Variants in FARS2 observed in about 807,000 individuals in gnomAD.
FARS2 encodes phenylalanyl-tRNA synthetase 2, mitochondrial, also known as phenylalanine--tRNA ligase, mitochondrial.
In FARS2, 40 loss-of-function variants were observed where a neutral mutation model predicts 46.4. The observed-to-expected ratio is 0.86, with a 90% CI of 0.67 to 1.12. The LOEUF is 1.12. Among genes scored for constraint, FARS2 ranks in the 50% most tolerant of loss-of-function variants. The pLI is 0.00. For synonymous variants in FARS2, 234 were observed against 214.9 expected (o/e 1.09, Z -0.78); for missense variants, 513 against 567.9 (o/e 0.90, Z 0.98).
At chr6:5,644,010 A>C (rs1776952102) in intron 6 of FARS2, among the ~76,000 whole-genome samples, 1 of 151,944 alleles carries the variant, frequency 6.6e-6, no homozygotes, top group Non-Finnish European at 1.5e-5. Context: ...TAAATGTTGG[A>C]TGCAGATGTA....
chr6:5,437,943 C>G (rs774148692), intron 4 of FARS2, among the ~76,000 whole-genome samples: 1 of 152,056 alleles, frequency 6.6e-6, no homozygotes, highest in Admixed American at 6.5e-5. Context: ...TAGACCACGT[C>G]AAGTGGTGAT....
intron 5 of FARS2, among the ~76,000 whole-genome samples, chr6:5,569,944 G>A (rs1772545895): frequency 6.7e-6 from 1 of 148,942 alleles, no homozygotes; most frequent in Non-Finnish European, 1.5e-5. Flanking sequence ...GAAGACGGAT[G>A]TCAGGGTCAG....
intron 6 of FARS2, among the ~76,000 whole-genome samples, chr6:5,761,786 A>G (rs1762486640): frequency 6.6e-6 from 1 of 150,994 alleles, no homozygotes; most frequent in Non-Finnish European, 1.5e-5. Flanking sequence ...AGACCCTGCC[A>G]TAGCATTAAG....
At chr6:5,657,911 C>T (rs1272211762) in intron 6 of FARS2, among the ~76,000 whole-genome samples, 1 of 152,208 alleles carries the variant, frequency 6.6e-6, no homozygotes, top group African/African-American at 2.4e-5. Flanking sequence ...GGTTACTCAA[C>T]TTCAATTTCC....
intron 6 of FARS2, among the ~76,000 whole-genome samples, chr6:5,663,227 A>G (rs1319665756): frequency 2.0e-5 from 3 of 152,198 alleles, no homozygotes; most frequent in Non-Finnish European, 2.9e-5. Flanking sequence ...TGCATTAAAA[A>G]CAAGCCCCCC....
intron 6 of FARS2, among the ~76,000 whole-genome samples, chr6:5,614,682 A>C (rs1281702391): frequency 6.6e-6 from 1 of 152,164 alleles, no homozygotes; most frequent in East Asian, 1.9e-4. Context: ...TACAGGCGTG[A>C]GCCATCGCGC....
chr6:5,408,745 A>T (rs546368975), intron 3 of FARS2, among the ~76,000 whole-genome samples: 1 of 152,338 alleles, frequency 6.6e-6, no homozygotes, highest in Admixed American at 6.5e-5. Flanking sequence ...AGACAATAAA[A>T]GCAGGGAGCA....
intron 1 of FARS2, among the ~76,000 whole-genome samples, chr6:5,281,539 G>A (rs1766723526): frequency 6.6e-6 from 1 of 152,092 alleles, no homozygotes; most frequent in Admixed American, 6.6e-5. Flanking sequence ...TCACATGCTT[G>A]AGGAAAACAC....
chr6:5,577,384 AGCT>A (rs2150572626), intron 5 of FARS2, among the ~76,000 whole-genome samples: 1 of 152,072 alleles, frequency 6.6e-6, no homozygotes, highest in Non-Finnish European at 1.5e-5. Context: ...GTCCCTTCCT[AGCT>A]CTGCCAGCTT....
At chr6:5,531,573 C>T (rs1398460399) in intron 4 of FARS2, among the ~76,000 whole-genome samples, 2 of 152,188 alleles carry the variant, frequency 1.3e-5, no homozygotes, top group Non-Finnish European at 2.9e-5. Flanking sequence ...AGACTCTCAT[C>T]CACAGTCTGC....
intron 5 of FARS2, among the ~76,000 whole-genome samples, chr6:5,565,212 A>G (rs1322602878): frequency 6.6e-6 from 1 of 152,228 alleles, no homozygotes; most frequent in Non-Finnish European, 1.5e-5. Flanking sequence ...AGTTTAAAAT[A>G]ACTTTCCTTG....
intron 5 of FARS2, among the ~76,000 whole-genome samples, chr6:5,604,382 C>T (rs559695031): frequency 7.2e-5 from 11 of 152,152 alleles, no homozygotes; most frequent in Non-Finnish European, 1.0e-4. Flanking sequence ...AGTTTCCCCC[C>T]CAGAAAGCAA....
intron 6 of FARS2, among the ~76,000 whole-genome samples, chr6:5,684,224 T>C (rs549141255): frequency 1.8e-4 from 28 of 152,286 alleles, no homozygotes; most frequent in Admixed American, 1.2e-3. Flanking sequence ...AGTCACAGCC[T>C]GGGTCCTCAG....
intron 6 of FARS2, among the ~76,000 whole-genome samples, chr6:5,638,430 T>A (rs2150734072): frequency 6.6e-6 from 1 of 152,272 alleles, no homozygotes; most frequent in South Asian, 2.1e-4. Flanking sequence ...CCGGATGTGG[T>A]GGCACGTGCC....
chr6:5,545,493 C>T (rs1310094731), intron 5 of FARS2, among the ~76,000 whole-genome samples, 153 bp downstream of exon 5: 1 of 151,966 alleles, frequency 6.6e-6, no homozygotes, highest in East Asian at 1.9e-4. Flanking sequence ...GCAGAACGTG[C>T]AGGTTTGTTG....
chr6:5,658,274 A>G (rs1777695429), intron 6 of FARS2, among the ~76,000 whole-genome samples: 2 of 149,030 alleles, frequency 1.3e-5, no homozygotes, highest in South Asian at 2.1e-4. Flanking sequence ...AAAAAAAAAG[A>G]GAACTTAGAA....
At chr6:5,571,393 GAA>G (rs1180099836) in intron 5 of FARS2, among the ~76,000 whole-genome samples, 1 of 152,136 alleles carries the variant, frequency 6.6e-6, no homozygotes, top group Admixed American at 6.5e-5. Context: ...TAATTTAGTG[GAA>G]AAGATTATTA....
At chr6:5,711,634 A>C (rs964973266) in intron 6 of FARS2, among the ~76,000 whole-genome samples, 1 of 152,212 alleles carries the variant, frequency 6.6e-6, no homozygotes, top group Non-Finnish European at 1.5e-5. Context: ...CGGTCTAATC[A>C]CAAGGGGAAA....
chr6:5,423,086 G>A (rs1034998314), intron 3 of FARS2, among the ~76,000 whole-genome samples: 2 of 146,030 alleles, frequency 1.4e-5, no homozygotes, highest in African/African-American at 4.9e-5. Flanking sequence ...TCCCCCACCC[G>A]ACCAGCTTTG....
Sources: gnomAD v4.1 joint callset for allele counts (sites outside exome capture counted in the v4.1 genomes callset) on GRCh38, gnomAD v4.1.1 for gene constraint, MANE v1.5 for transcripts, NCBI Gene and HGNC (gene_info 2026-07-23, HGNC 2026-07-21) for gene names.